The following KCNIP4 variants were observed in gnomAD, a reference collection of about 807,000 sequenced individuals.
KCNIP4 encodes the protein Kv channel-interacting protein 4.
A neutral mutation model predicts 34.0 loss-of-function variants in KCNIP4; 12 were observed. The ratio of observed to expected loss-of-function variants is 0.35; its 90% CI spans 0.23 to 0.57. KCNIP4 has a LOEUF of 0.57. Ranked by LOEUF, KCNIP4 falls within the 20% of genes least tolerant of loss-of-function variation. The pLI, the probability that KCNIP4 is intolerant of heterozygous loss-of-function variation, is 0.83. For synonymous variants in KCNIP4, 124 were observed against 102.2 expected, an observed-to-expected ratio of 1.21 and a Z score of -1.29; for missense variants, 238 against 311.7, an observed-to-expected ratio of 0.76 and a Z score of 1.78.
chr4:20,767,456 A>G (rs956465828), intron 3 of KCNIP4: 4 of 152,202 alleles, frequency 2.6e-5, no homozygotes, highest in Non-Finnish European at 5.9e-5. Flanking sequence ...AGTGTTGGGA[A>G]GGGTGCTTTG....
intron 1 of KCNIP4, among the ~76,000 whole-genome samples, chr4:21,221,530 T>A (rs1399643243): frequency 6.6e-6 from 1 of 152,060 alleles, no homozygotes; most frequent in Non-Finnish European, 1.5e-5. Flanking sequence ...AACTATCAGA[T>A]CTTGTGAGAA....
chr4:21,701,385 T>C (rs1712828072), intron 1 of KCNIP4, among the ~76,000 whole-genome samples: 1 of 152,190 alleles, frequency 6.6e-6, no homozygotes, highest in Non-Finnish European at 1.5e-5. Context: ...TATTTCAAAA[T>C]TGTGAAAAGA....
chr4:21,117,316 G>C (rs1041193617), intron 1 of KCNIP4, among the ~76,000 whole-genome samples: 6 of 125,124 alleles, frequency 4.8e-5, no homozygotes, highest in Non-Finnish European at 8.9e-5. Context: ...GGGGGGGGGG[G>C]GGGCGCTGTT....
intron 3 of KCNIP4, among the ~76,000 whole-genome samples, chr4:20,817,957 T>A (rs566352333): frequency 6.6e-6 from 1 of 152,260 alleles, no homozygotes; most frequent in South Asian, 2.1e-4. Context: ...ATCTGAATTG[T>A]GGGTAAAAAA....
intron 1 of KCNIP4, among the ~76,000 whole-genome samples, chr4:21,933,340 T>C (rs1407682111): frequency 1.3e-5 from 2 of 152,070 alleles, no homozygotes; most frequent in Non-Finnish European, 1.5e-5. Context: ...CTTTTGTCAC[T>C]TGCTGTCTTT....
chr4:21,153,912 T>TA (rs1457199435), intron 1 of KCNIP4, among the ~76,000 whole-genome samples: 1 of 151,698 alleles, frequency 6.6e-6, no homozygotes, highest in East Asian at 1.9e-4. Flanking sequence ...ATCAGAGACT[T>TA]ACAGCCAAAC....
At chr4:21,706,685 A>G (rs193126187) in intron 1 of KCNIP4, among the ~76,000 whole-genome samples, 32 of 152,254 alleles carry the variant, frequency 2.1e-4, no homozygotes, top group Non-Finnish European at 4.0e-4. Context: ...AGTGATTCCC[A>G]AGAAGACTCT....
At chr4:21,377,356 T>C (rs921478608) in intron 1 of KCNIP4, among the ~76,000 whole-genome samples, 1 of 152,202 alleles carries the variant, frequency 6.6e-6, no homozygotes, top group African/African-American at 2.4e-5. Context: ...GAGCTAGTTA[T>C]AGACCAAGTC....
chr4:20,877,676 A>G (rs62295423), intron 2 of KCNIP4, among the ~76,000 whole-genome samples: 1 of 152,154 alleles, frequency 6.6e-6, no homozygotes, highest in Non-Finnish European at 1.5e-5. Flanking sequence ...ATGTAGTCCA[A>G]CTGGCTCTCC....
chr4:20,758,279 C>T (rs374378174), intron 4 of KCNIP4, among the ~76,000 whole-genome samples: 27 of 152,118 alleles, frequency 1.8e-4, no homozygotes, highest in African/African-American at 6.5e-4. Context: ...TTAATTTTCT[C>T]AGATGAGGGA....
At chr4:21,609,044 GA>G (rs753736631) in intron 1 of KCNIP4, 2 of 152,090 alleles carry the variant, frequency 1.3e-5, no homozygotes, top group Non-Finnish European at 2.9e-5. Context: ...AATACTAGGA[GA>G]ACTGATGAGA....
intron 1 of KCNIP4, among the ~76,000 whole-genome samples, chr4:21,509,644 G>T (rs892901422): frequency 6.6e-6 from 1 of 152,048 alleles, no homozygotes; most frequent in Non-Finnish European, 1.5e-5. Context: ...CACTCCTCAG[G>T]CTGTTCCTGA....
At chr4:21,126,631 A>G (rs1043896565) in intron 1 of KCNIP4, among the ~76,000 whole-genome samples, 39 of 142,990 alleles carry the variant, frequency 2.7e-4, no homozygotes, top group Non-Finnish European at 3.5e-4. Context: ...AAAAAAAAAA[A>G]AGAAAAGAAA....
chr4:20,798,480 T>C (rs1713773601), intron 3 of KCNIP4, among the ~76,000 whole-genome samples: 1 of 151,752 alleles, frequency 6.6e-6, no homozygotes, highest in South Asian at 2.1e-4. Context: ...TAGAAGCTCC[T>C]AGCATCCTTC....
intron 1 of KCNIP4, among the ~76,000 whole-genome samples, chr4:21,452,376 T>C (rs1247151465): frequency 1.3e-5 from 2 of 151,496 alleles, no homozygotes; most frequent in Non-Finnish European, 2.9e-5. Context: ...TAGAAATTTC[T>C]GGAAAGGTTT....
chr4:21,610,869 G>A (rs866307851), intron 1 of KCNIP4, among the ~76,000 whole-genome samples: 1 of 151,890 alleles, frequency 6.6e-6, no homozygotes, highest in African/African-American at 2.4e-5. Flanking sequence ...TGCAGAACGT[G>A]CAGGTTTGCT....
At chr4:21,024,602 G>A (rs149754947) in intron 1 of KCNIP4, among the ~76,000 whole-genome samples, 2,126 of 152,112 alleles carry the variant, frequency 0.014, 29 homozygotes, top group Non-Finnish European at 0.02. Flanking sequence ...TGTTTGAACC[G>A]TTTCTAAAAT....
intron 1 of KCNIP4, among the ~76,000 whole-genome samples, chr4:21,687,099 C>T (rs1750861734): frequency 7.3e-6 from 1 of 136,736 alleles, no homozygotes; most frequent in Admixed American, 8.0e-5. Context: ...TATTCTCACT[C>T]ATAGGTGGGA....
intron 1 of KCNIP4, among the ~76,000 whole-genome samples, chr4:21,442,084 AATGTATTCTCCTTTTGCATTGTTGCTGAG>A (rs1194374340): frequency 6.6e-6 from 1 of 152,132 alleles, no homozygotes; most frequent in Non-Finnish European, 1.5e-5. Context: ...TAGTTTTCAA[AATGTATTCTCCTTTTGCATTGTTGCTGAG>A]ATCAAGAAAT....
Sources: allele counts gnomAD v4.1 joint callset (sites outside exome capture counted in the v4.1 genomes callset), GRCh38; gene constraint gnomAD v4.1.1; transcripts MANE v1.5; gene names NCBI Gene and HGNC (gene_info 2026-07-23, HGNC 2026-07-21).